TPTE: variants seen among roughly 807,000 people sequenced by gnomAD.
The protein encoded by TPTE is putative tyrosine-protein phosphatase TPTE.
Under a neutral mutation model 84.1 loss-of-function variants are expected in TPTE, and 59 were observed. The ratio of observed to expected loss-of-function variants is 0.70; its 90% CI spans 0.57 to 0.87. The LOEUF (loss-of-function observed/expected upper bound fraction) is 0.87. TPTE is among the 40% of genes least tolerant of loss of function. The pLI is 0.00. For missense variants in TPTE, 382 were observed against 659.6 expected (o/e 0.58, Z 4.61); for synonymous variants, 130 against 223.5 (o/e 0.58, Z 3.73).
chr21:10,537,300 T>C (rs1461803941), intron 3 of TPTE, among the ~76,000 whole-genome samples: 1 of 152,416 alleles, frequency 6.6e-6, no homozygotes, highest in Admixed American at 6.5e-5. Context: ...GGACGATACA[T>C]ATATATATTT....
intron 14 of TPTE, among the ~76,000 whole-genome samples, chr21:10,574,010 A>G (rs1462038124): frequency 5.3e-5 from 8 of 152,296 alleles, no homozygotes; most frequent in Admixed American, 3.9e-4. Flanking sequence ...GGAAGGAATT[A>G]TAAAGAATTG....
chr21:10,570,069 C>A (rs1374493304), intron 13 of TPTE, among the ~76,000 whole-genome samples: 2 of 152,310 alleles, frequency 1.3e-5, no homozygotes, highest in Non-Finnish European at 1.5e-5. Context: ...TCCTAGAATC[C>A]CAGAGAATGA....
At chr21:10,565,000 G>C (rs1230758024) in intron 10 of TPTE, among the ~76,000 whole-genome samples, 3 of 152,308 alleles carry the variant, frequency 2.0e-5, no homozygotes, top group Non-Finnish European at 4.4e-5. Flanking sequence ...GTCCTAGCTA[G>C]AGCCATTATG....
chr21:10,546,761 T>C (rs1267051465), intron 7 of TPTE, among the ~76,000 whole-genome samples: 1 of 152,422 alleles, frequency 6.6e-6, no homozygotes, highest in Non-Finnish European at 1.5e-5. Flanking sequence ...CTCACTCTCT[T>C]TGATTCAGTG....
Position 10,568,550 on chromosome 21 carries a change from G to A in TPTE, c.566+761G>A, listed in dbSNP as rs373555554. Among the ~76,000 whole-genome samples, 23 of 152,388 alleles carry A rather than the reference G, an allele frequency of 1.5e-4. No individual in the cohort carries two copies. In the South Asian group the frequency reaches 4.6e-3, roughly 30 times the overall value. ...TGGTGGCTTCCTAAGCTTGTTCATG[G>A]GTCAAATAGCTGATTTCTTTTTGTA... On this transcript the variant is annotated intron_variant, in intron 11 of 23. Transcript: ENST00000618007.
rs2074408059 is a variant in TPTE, at chr21:10,543,434, A to G, written c.173+52A>G. 5.6e-6 allele frequency: 9 copies of G among 1,612,910 alleles called. No homozygotes were observed. In the South Asian group the frequency reaches 7.7e-5, roughly 14 times the overall value. ...CGTATGCATAAGAGTGCATAGAGCT[A>G]TACACACACCAAGCACATACACAAA... On this transcript the variant is annotated intron_variant, in intron 7 of 23. Transcript: ENST00000618007.
chr21:10,526,918 A>G (rs2074089121), intron 2 of TPTE, among the ~76,000 whole-genome samples: 2 of 152,312 alleles, frequency 1.3e-5, no homozygotes, highest in South Asian at 2.1e-4. Context: ...TTGATATTGT[A>G]AAACATAGCC....
chr21:10,579,831 C>T (rs1370875152), intron 17 of TPTE, among the ~76,000 whole-genome samples: 5 of 152,304 alleles, frequency 3.3e-5, no homozygotes, highest in Admixed American at 1.3e-4. Flanking sequence ...AATAATGCTG[C>T]AGTGAACATG....
chr21:10,554,529 T>C (rs1006441985), intron 8 of TPTE, among the ~76,000 whole-genome samples: 3 of 152,310 alleles, frequency 2.0e-5, no homozygotes, highest in Admixed American at 2.0e-4. Flanking sequence ...CACCTTCATT[T>C]ATCCTTTTCT....
rs547950749 is a variant in TPTE at position 10,568,201 on chromosome 21, CTCTGTGCT to C, written c.566+415_566+422del. ...AAAATTTATATTGAAAACAATTCCC[CTCTGTGCT>C]TCAACTACAAATCCCTTACACATAA... On this transcript the variant is annotated intron_variant, in intron 11 of 23. Coordinates refer to ENST00000618007, the MANE Select transcript of TPTE (RefSeq NM_199261.4). Among the ~76,000 whole-genome samples the C allele has an allele frequency of 1.4e-4, 22 of 152,372 alleles. No individual in the cohort carries two copies. In the East Asian group the frequency reaches 2.3e-3, roughly 16 times the overall value.
At chr21:10,582,100 T>C (rs1293392415) in intron 17 of TPTE, among the ~76,000 whole-genome samples, 2 of 152,310 alleles carry the variant, frequency 1.3e-5, no homozygotes, top group Non-Finnish European at 2.9e-5. Flanking sequence ...TTTCACGCTT[T>C]TCTGTCATGT....
chr21:10,605,147 A>G (rs1979123370), intron 23 of TPTE, among the ~76,000 whole-genome samples: 1 of 152,312 alleles, frequency 6.6e-6, no homozygotes, highest in Non-Finnish European at 1.5e-5. Flanking sequence ...AGAGAAATTT[A>G]GATATTTTAT....
At chr21:10,590,562 T>G (rs1257421361) in intron 18 of TPTE, 39 bp downstream of exon 18, 1 of 1,612,922 alleles carries the variant, frequency 6.2e-7, no homozygotes, top group South Asian at 1.1e-5. Flanking sequence ...TTAGGATGAT[T>G]GAGTTTGCTA....
At chr21:10,582,509 C>T (rs1237138297) in intron 17 of TPTE, among the ~76,000 whole-genome samples, 2 of 152,310 alleles carry the variant, frequency 1.3e-5, no homozygotes, top group Non-Finnish European at 2.9e-5. Flanking sequence ...TTTATTGGAA[C>T]TACATTGAAT....
Position 10,605,560 on chromosome 21 carries a change from T to TC in TPTE, c.*13dup. The TC allele has an allele frequency of 6.2e-7, 1 of 1,614,024 alleles. No individual in the cohort carries two copies. The highest frequency in any genetic ancestry group is 8.5e-7 in the Non-Finnish European group (1 of 1,179,884). On this transcript the variant is annotated 3_prime_UTR_variant, in exon 24 of 24. Transcript: ENST00000618007. ...GTAGCTGGATCCGATTAAGTATAGC[T>TC]CCCCCTTCCCCTTCTGGGAAAGAAT...
chr21:10,604,510 G>A (rs569484997), intron 23 of TPTE, among the ~76,000 whole-genome samples: 2 of 152,426 alleles, frequency 1.3e-5, no homozygotes, highest in East Asian at 3.9e-4. Flanking sequence ...AGTCCAGCAA[G>A]GCAACAGGAA....
intron 14 of TPTE, among the ~76,000 whole-genome samples, chr21:10,572,313 G>T (rs12626818): frequency 0.036 from 5,031 of 139,418 alleles, no homozygotes; most frequent in East Asian, 0.11. Flanking sequence ...TTACCTGGGT[G>T]TGGTGGCGTG....
Position 10,605,459 on chromosome 21 carries a change from A to T in TPTE, c.1563A>T (p.Gln521His). ...ATGAATTGGATAATCTACATAAACA[A>T]AAAGCACGGAGAATTTATCCATCAG... is the stretch of plus-strand genomic sequence containing the variant. ...PKNELDNLHK[Q>H]KARRIYPSDF... The change falls in exon 24 of 24, where the codon CAA (glutamine) becomes CAT (histidine). Residue 521 changes from glutamine (Q) to histidine (H), a missense_variant. Coordinates refer to ENST00000618007, the MANE Select transcript of TPTE (RefSeq NM_199261.4). 1 of 1,614,224 alleles carries T rather than the reference A, an allele frequency of 6.2e-7. No homozygotes were observed. The highest frequency in any genetic ancestry group is 1.1e-5 in the South Asian group (1 of 91,088).
chr21:10,550,123 T>A (rs2074545388), intron 7 of TPTE, among the ~76,000 whole-genome samples: 1 of 152,308 alleles, frequency 6.6e-6, no homozygotes, highest in Non-Finnish European at 1.5e-5. Flanking sequence ...AAAACCAAGA[T>A]AATTCATCAC....
Sources: allele counts gnomAD v4.1 joint callset (sites outside exome capture counted in the v4.1 genomes callset), GRCh38; gene constraint gnomAD v4.1.1; transcripts MANE v1.5; gene names NCBI Gene and HGNC (gene_info 2026-07-23, HGNC 2026-07-21).